Variants in CD80 observed in about 807,000 individuals in gnomAD.
CD80 encodes the protein T-lymphocyte activation antigen CD80.
A neutral mutation model predicts 27.1 loss-of-function variants in CD80; 13 were observed. The ratio of observed to expected loss-of-function variants is 0.48; its 90% confidence interval spans 0.31 to 0.76. The LOEUF is 0.76. Ranked by LOEUF, CD80 falls within the 30% of genes least tolerant of loss-of-function variation. The pLI, the probability that CD80 is intolerant of heterozygous loss-of-function variation, is 0.04. For synonymous variants in CD80, 125 were observed against 125.5 expected (o/e 1.00, Z 0.03); for missense variants, 277 against 347.9 (o/e 0.80, Z 1.62).
intron 4 of CD80, among the ~76,000 whole-genome samples, chr3:119,533,633 G>T (rs1336883375): frequency 6.6e-6 from 1 of 152,138 alleles, no homozygotes; most frequent in Non-Finnish European, 1.5e-5. Context: ...CTTATAACAA[G>T]CTCTCTTTTT....
chr3:119,534,122 C>T (rs913648494), intron 4 of CD80, among the ~76,000 whole-genome samples: 1 of 152,056 alleles, frequency 6.6e-6, no homozygotes, highest in African/African-American at 2.4e-5. Context: ...GTAATCACAG[C>T]GCTTTGAGAG....
chr3:119,554,937 TC>T (rs1046819618), intron 2 of CD80, among the ~76,000 whole-genome samples: 1 of 152,234 alleles, frequency 6.6e-6, no homozygotes, highest in African/African-American at 2.4e-5. Flanking sequence ...TACAAGCCAC[TC>T]TGTTCTTCAG....
chr3:119,538,154 T>C (rs2082149554), intron 3 of CD80, among the ~76,000 whole-genome samples: 1 of 152,238 alleles, frequency 6.6e-6, no homozygotes, highest in Non-Finnish European at 1.5e-5. Context: ...TAATTTCATA[T>C]GATTTAACCT....
intron 2 of CD80, among the ~76,000 whole-genome samples, chr3:119,549,506 C>T (rs900427821): frequency 6.6e-6 from 1 of 152,194 alleles, no homozygotes; most frequent in African/African-American, 2.4e-5. Flanking sequence ...CCTGTATCCC[C>T]TGGAGCCACA....
intron 3 of CD80, 47 bp from the exon 4 acceptor site, chr3:119,537,465 T>G: frequency 2.3e-6 from 3 of 1,304,584 alleles, no homozygotes; most frequent in South Asian, 2.5e-5. Flanking sequence ...TACAAACCTA[T>G]GTGTGTAGAG....
At chr3:119,556,929 A>G (rs1362356261) in intron 2 of CD80, among the ~76,000 whole-genome samples, 1 of 152,222 alleles carries the variant, frequency 6.6e-6, no homozygotes, top group Admixed American at 6.5e-5. Flanking sequence ...CACTCTTAAG[A>G]TCACCTGAGC....
At chr3:119,557,212 C>A (rs1158245746) in intron 2 of CD80, among the ~76,000 whole-genome samples, 1 of 152,120 alleles carries the variant, frequency 6.6e-6, no homozygotes, top group Non-Finnish European at 1.5e-5. Flanking sequence ...AGAAGATCAC[C>A]ATTGTTCAAT....
intron 4 of CD80, among the ~76,000 whole-genome samples, chr3:119,532,810 T>C (rs2082117163): frequency 6.6e-6 from 1 of 152,222 alleles, no homozygotes; most frequent in Non-Finnish European, 1.5e-5. Flanking sequence ...ATCTCCCACC[T>C]AGTAGCCTGC....
chr3:119,530,880 C>T (rs1401921756), intron 4 of CD80, among the ~76,000 whole-genome samples: 3 of 152,176 alleles, frequency 2.0e-5, no homozygotes, highest in Non-Finnish European at 1.5e-5. Flanking sequence ...CCCCAAAATG[C>T]TAGTGAATAA....
chr3:119,543,296 A>G (rs1172158421), intron 3 of CD80, among the ~76,000 whole-genome samples: 4 of 152,248 alleles, frequency 2.6e-5, no homozygotes, highest in African/African-American at 7.2e-5. Flanking sequence ...TTCCGAGACC[A>G]GAAATGCTTG....
At chr3:119,539,563 T>C (rs544773798) in intron 3 of CD80, among the ~76,000 whole-genome samples, 2 of 152,298 alleles carry the variant, frequency 1.3e-5, no homozygotes, top group South Asian at 2.1e-4. Context: ...TTCCTAGCAT[T>C]CCTCCAAGAC....
intron 3 of CD80, among the ~76,000 whole-genome samples, chr3:119,539,632 A>G (rs1291424738): frequency 6.6e-6 from 1 of 152,216 alleles, no homozygotes; most frequent in Non-Finnish European, 1.5e-5. Flanking sequence ...AGTACAAAGT[A>G]CAGGAAAATA....
intron 6 of CD80, among the ~76,000 whole-genome samples, chr3:119,526,942 G>T (rs575375470): frequency 1.3e-5 from 2 of 152,260 alleles, no homozygotes; most frequent in East Asian, 1.9e-4. Context: ...TCCCATGTAA[G>T]TTTCTCTTGC....
chr3:119,536,296 C>T (rs886225792), intron 4 of CD80, among the ~76,000 whole-genome samples: 1 of 151,964 alleles, frequency 6.6e-6, no homozygotes, highest in African/African-American at 2.4e-5. Context: ...AACATTATCA[C>T]ACCTTGCACA....
chr3:119,553,169 TCGCTCTGTTGCCCATGCTGG>T, intron 2 of CD80, among the ~76,000 whole-genome samples: 1 of 151,890 alleles, frequency 6.6e-6, no homozygotes, highest in Non-Finnish European at 1.5e-5. Context: ...AGGCAGAGTC[TCGCTCTGTTGCCCATGCTGG>T]AGTGCAGTGG....
At chr3:119,544,992 G>T in intron 2 of CD80, 125 bp from the exon 3 acceptor site, 1 of 737,946 alleles carries the variant, frequency 1.4e-6, no homozygotes. Flanking sequence ...TATCAATCCA[G>T]TTTGATTTTT....
At chr3:119,530,389 C>G (rs948309614) in intron 4 of CD80, among the ~76,000 whole-genome samples, 1 of 152,206 alleles carries the variant, frequency 6.6e-6, no homozygotes, top group East Asian at 1.9e-4. Flanking sequence ...ACACCCTTAC[C>G]TCACAGTAGC....
intron 5 of CD80, among the ~76,000 whole-genome samples, 195 bp downstream of exon 5, chr3:119,529,647 C>T (rs573161474): frequency 6.6e-5 from 10 of 152,246 alleles, no homozygotes; most frequent in South Asian, 2.1e-4. Flanking sequence ...GTGCCACACA[C>T]GTAGGAGGTG....
At position 119,524,519 on chromosome 3, in the gene CD80, A is replaced by T. The variant is rs1262558030; in HGVS notation, c.*1269T>A. On this transcript the variant is annotated 3_prime_UTR_variant, in exon 7 of 7. Coordinates refer to ENST00000264246, the MANE Select transcript of CD80 (RefSeq NM_005191.4). ...CCCTACACTGAGAATATAGTTTTAC[A>T]CAGGAGCAAGGTTTGTGAAGCAGCA... The T allele has an allele frequency of 6.6e-6, 1 of 152,242 alleles. No homozygotes were observed. Among genetic ancestry groups the T allele is most frequent in the Admixed American group, 6.5e-5 (1 of 15,278 alleles). 9.4% of individuals were successfully genotyped at this position (152,242 alleles called of 1,614,324 possible).
Sources: allele counts gnomAD v4.1 joint callset (sites outside exome capture counted in the v4.1 genomes callset), GRCh38; gene constraint gnomAD v4.1.1; transcripts MANE v1.5; gene names NCBI Gene and HGNC (gene_info 2026-07-23, HGNC 2026-07-21).